Variants in PCBP2 observed in about 807,000 individuals in gnomAD.
The protein encoded by PCBP2 is poly(rC)-binding protein 2.
Under a neutral mutation model 50.1 loss-of-function variants are expected in PCBP2, and 4 were observed. That is an observed-to-expected ratio of 0.08 (90% CI 0.04 to 0.18). PCBP2 has a LOEUF of 0.18. Ranked by LOEUF, PCBP2 falls within the 10% of genes least tolerant of loss-of-function variation. The pLI is 1.00. For missense variants in PCBP2, 161 were observed against 474.3 expected, an observed-to-expected ratio of 0.34 and a Z score of 6.14; for synonymous variants, 179 against 168.0, an observed-to-expected ratio of 1.07 and a Z score of -0.51.
intron 8 of PCBP2, chr12:53,464,387 C>G (rs1196504407): frequency 6.5e-6 from 1 of 153,722 alleles, no homozygotes; most frequent in Non-Finnish European, 1.4e-5. Context: ...ATGAGTGGCC[C>G]TGTCATGGAT....
intron 14 of PCBP2, chr12:53,475,310 T>TA (rs2137120735): frequency 2.6e-6 from 1 of 379,502 alleles, no homozygotes; most frequent in African/African-American, 2.1e-5. Flanking sequence ...GTGAGCTTGT[T>TA]ACCGTTTCCT....
intron 14 of PCBP2, among the ~76,000 whole-genome samples, chr12:53,478,529 C>A (rs1337893296): frequency 6.6e-6 from 1 of 151,098 alleles, no homozygotes; most frequent in Non-Finnish European, 1.5e-5. Context: ...TAAGGCCAGG[C>A]GCGGTGGCTC....
chr12:53,472,152 A>G (rs933921382), intron 14 of PCBP2, among the ~76,000 whole-genome samples: 12 of 152,060 alleles, frequency 7.9e-5, no homozygotes, highest in African/African-American at 1.9e-4. Context: ...ATAGACTACT[A>G]TTTCTTTCAC....
At chr12:53,464,110 C>T (rs1178126181) in intron 8 of PCBP2, among the ~76,000 whole-genome samples, 1 of 152,110 alleles carries the variant, frequency 6.6e-6, no homozygotes, top group African/African-American at 2.4e-5. Context: ...GAGTCAGTGT[C>T]GCCAGAAGGA....
intron 5 of PCBP2, among the ~76,000 whole-genome samples, chr12:53,457,928 GT>G (rs200957668): frequency 2.0e-5 from 3 of 151,920 alleles, no homozygotes; most frequent in African/African-American, 7.3e-5. Context: ...CTATAGGTTT[GT>G]TTTTTTTGTT....
intron 14 of PCBP2, among the ~76,000 whole-genome samples, chr12:53,476,643 T>C (rs1942603219): frequency 6.6e-6 from 1 of 151,930 alleles, no homozygotes; most frequent in African/African-American, 2.4e-5. Flanking sequence ...AGCATCACCA[T>C]TGGCTGACAA....
At chr12:53,466,222 T>C (rs1468276601) in intron 10 of PCBP2, among the ~76,000 whole-genome samples, 1 of 152,382 alleles carries the variant, frequency 6.6e-6, no homozygotes, top group Non-Finnish European at 1.5e-5. Flanking sequence ...TGTTTCAGAT[T>C]ACCCTGTTTC....
chr12:53,459,518 T>C (rs1941288437), intron 6 of PCBP2, 115 bp downstream of exon 6: 23 of 809,020 alleles, frequency 2.8e-5, no homozygotes, highest in Non-Finnish European at 4.4e-5. Flanking sequence ...GTAACAGTTC[T>C]AGAGGATTAC....
chr12:53,465,082 T>G, intron 9 of PCBP2: 13 of 384,238 alleles, frequency 3.4e-5, no homozygotes, highest in Non-Finnish European at 2.7e-5. Context: ...TCAACCCCTC[T>G]TCCCCTCTCC....
chr12:53,461,257 G>A, intron 7 of PCBP2, 114 bp downstream of exon 7: 1 of 1,213,792 alleles, frequency 8.2e-7, no homozygotes, highest in East Asian at 2.6e-5. Context: ...TTCCAGTGGG[G>A]GTGGGGCTAA....
intron 6 of PCBP2, 64 bp downstream of exon 6, chr12:53,459,467 G>A: frequency 1.3e-6 from 2 of 1,493,084 alleles, no homozygotes; most frequent in East Asian, 2.4e-5. Flanking sequence ...CTCTTTGTAT[G>A]GCTAGGAAAA....
chr12:53,460,882 G>C (rs2137046001), intron 6 of PCBP2, 133 bp from the exon 7 acceptor site: 2 of 952,692 alleles, frequency 2.1e-6, no homozygotes, highest in East Asian at 2.6e-5. Context: ...GGAAGAGTGG[G>C]ACAAAGAACA....
intron 14 of PCBP2, among the ~76,000 whole-genome samples, chr12:53,473,603 C>G (rs1421948964): frequency 6.6e-6 from 1 of 152,162 alleles, no homozygotes; most frequent in Non-Finnish European, 1.5e-5. Context: ...GGTAGAGTGG[C>G]TCTTTTCAGG....
At chr12:53,457,268 G>A (rs567370133) in intron 5 of PCBP2, among the ~76,000 whole-genome samples, 57 of 152,258 alleles carry the variant, frequency 3.7e-4, no homozygotes, top group African/African-American at 1.3e-3. Context: ...TCCCAGGCTG[G>A]TCTCAAACTC....
chr12:53,473,373 A>G (rs1942364782), intron 14 of PCBP2, among the ~76,000 whole-genome samples: 2 of 152,178 alleles, frequency 1.3e-5, no homozygotes, highest in Non-Finnish European at 2.9e-5. Context: ...GTGAGCCACT[A>G]TGCCCAGCTT....
At chr12:53,478,882 T>TA (rs397699223) in intron 14 of PCBP2, among the ~76,000 whole-genome samples, 1 of 151,934 alleles carries the variant, frequency 6.6e-6, no homozygotes, top group Non-Finnish European at 1.5e-5. Flanking sequence ...TTTTTTTTTT[T>TA]ACCTTTAAAA....
chr12:53,460,360 G>T (rs745407134), intron 6 of PCBP2: 1 of 396,622 alleles, frequency 2.5e-6, no homozygotes, highest in Non-Finnish European at 5.0e-6. Flanking sequence ...GCTCAGGCTG[G>T]TCTCCAACTC....
chr12:53,452,602 C>T (rs532224993), intron 1 of PCBP2, among the ~76,000 whole-genome samples: 125 of 151,598 alleles, frequency 8.2e-4, no homozygotes, highest in Middle Eastern at 6.8e-3. Context: ...CGCCTTTTCC[C>T]GGTGGCGGCT....
At chr12:53,469,614 T>G (rs1942062137) in intron 13 of PCBP2, among the ~76,000 whole-genome samples, 1 of 152,026 alleles carries the variant, frequency 6.6e-6, no homozygotes, top group African/African-American at 2.4e-5. Flanking sequence ...TAATCCCAGC[T>G]ATTTGGGAGG....
Sources: allele counts gnomAD v4.1 joint callset (sites outside exome capture counted in the v4.1 genomes callset), GRCh38; gene constraint gnomAD v4.1.1; transcripts MANE v1.5; gene names NCBI Gene and HGNC (gene_info 2026-07-23, HGNC 2026-07-21).